MSI2: variants seen among roughly 807,000 people sequenced by gnomAD.
The protein encoded by MSI2 is musashi RNA binding protein 2, also known as RNA-binding protein Musashi homolog 2.
A neutral mutation model predicts 45.6 loss-of-function variants in MSI2; 17 were observed. The observed-to-expected ratio is 0.37, with a 90% CI of 0.26 to 0.56. The LOEUF (loss-of-function observed/expected upper bound fraction) is 0.56. MSI2 is among the 20% of genes least tolerant of loss of function. The probability of loss-of-function intolerance (pLI) is 0.77; values close to 1 mark genes in which losing one functional copy is unlikely to be tolerated. For missense variants in MSI2, 293 were observed against 444.2 expected (o/e 0.66, Z 3.06); for synonymous variants, 156 against 158.2 (o/e 0.99, Z 0.11).
At chr17:57,489,556 C>T (rs921504473) in intron 6 of MSI2, among the ~76,000 whole-genome samples, 5 of 152,212 alleles carry the variant, frequency 3.3e-5, no homozygotes, top group Non-Finnish European at 7.3e-5. Flanking sequence ...CAGAGGCCGG[C>T]GGGGCCAGCT....
At chr17:57,462,882 TACAC>T (rs2085257776) in intron 6 of MSI2, among the ~76,000 whole-genome samples, 1 of 152,216 alleles carries the variant, frequency 6.6e-6, no homozygotes, top group Non-Finnish European at 1.5e-5. Context: ...GTCTCTGTCA[TACAC>T]ACAAGCACTC....
intron 6 of MSI2, among the ~76,000 whole-genome samples, chr17:57,469,895 G>T (rs2085401277): frequency 6.6e-6 from 1 of 152,222 alleles, no homozygotes; most frequent in Non-Finnish European, 1.5e-5. Flanking sequence ...CCTGTCCTGT[G>T]GTGCCCACCT....
Position 57,596,966 on chromosome 17 carries a change from T to A in MSI2, c.537+16T>A. ...TAATAAAATGGTAAGTGTGTAGGGG[T>A]TGCGCTGAAATGGAATGCCCCCTTT... is the stretch of plus-strand genomic sequence containing the variant. On this transcript the variant is annotated intron_variant, in intron 8 of 13. Coordinates refer to ENST00000284073, the MANE Select transcript of MSI2 (RefSeq NM_138962.4). The surrounding 1 kb of genome is among the most constrained non-coding windows in gnomAD (Gnocchi z 4.6). 6.3e-7 allele frequency: 1 copy of A among 1,577,954 alleles called. No homozygotes were observed. Among genetic ancestry groups the A allele is most frequent in the Non-Finnish European group, 8.7e-7 (1 of 1,147,462 alleles).
At chr17:57,365,546 T>G (rs1406520442) in intron 5 of MSI2, among the ~76,000 whole-genome samples, 1 of 151,940 alleles carries the variant, frequency 6.6e-6, no homozygotes, top group Non-Finnish European at 1.5e-5. Context: ...GGGTAGAGGG[T>G]GACCTGGGAG....
intron 4 of MSI2, among the ~76,000 whole-genome samples, chr17:57,259,387 C>T (rs1907106419): frequency 6.6e-6 from 1 of 152,314 alleles, no homozygotes; most frequent in African/African-American, 2.4e-5. Context: ...TCTCAATTTC[C>T]TCTTCTGTAA....
Position 57,608,099 on chromosome 17 carries a change from A to AG in MSI2, c.538-7869dup, listed in dbSNP as rs560409693. Among the ~76,000 whole-genome samples the AG allele has an allele frequency of 1.6e-4, 25 of 152,300 alleles. No individual in the cohort carries two copies. In the East Asian group the frequency reaches 4.4e-3, roughly 27 times the overall value. On this transcript the variant is annotated intron_variant, in intron 8 of 13. Coordinates refer to ENST00000284073, the MANE Select transcript of MSI2 (RefSeq NM_138962.4). ...GAAGGGCTTGTACCAGTGAGGGAAA[A>AG]GGACTGCAGAGTGGTTAGGGACCCT...
At chr17:57,675,777 C>T (rs938721302) in intron 12 of MSI2, among the ~76,000 whole-genome samples, 1 of 152,226 alleles carries the variant, frequency 6.6e-6, no homozygotes, top group African/African-American at 2.4e-5. Context: ...TCCTTAGCTG[C>T]AGCCTCCACC....
At chr17:57,582,729 A>AT (rs1354896521) in intron 7 of MSI2, among the ~76,000 whole-genome samples, 1 of 152,162 alleles carries the variant, frequency 6.6e-6, no homozygotes, top group Non-Finnish European at 1.5e-5. Context: ...ATCTTCCCTG[A>AT]TGTCAATCAG....
chr17:57,547,018 T>C (rs2087184641), intron 7 of MSI2, among the ~76,000 whole-genome samples: 1 of 152,224 alleles, frequency 6.6e-6, no homozygotes, highest in South Asian at 2.1e-4. Flanking sequence ...CGAGGGGGCC[T>C]GGGCCTACTC....
intron 5 of MSI2, among the ~76,000 whole-genome samples, chr17:57,393,725 A>T (rs2083837974): frequency 6.6e-6 from 1 of 152,194 alleles, no homozygotes; most frequent in African/African-American, 2.4e-5. Flanking sequence ...CTTGTCACCC[A>T]GGCTGGAGTG....
At chr17:57,499,026 A>T (rs993651913) in intron 6 of MSI2, among the ~76,000 whole-genome samples, 1 of 150,556 alleles carries the variant, frequency 6.6e-6, no homozygotes, top group African/African-American at 2.4e-5. Context: ...TGAATTGAGA[A>T]GTCATTTTGC....
At chr17:57,655,010 C>T (rs1472254645) in intron 11 of MSI2, among the ~76,000 whole-genome samples, 3 of 148,460 alleles carry the variant, frequency 2.0e-5, no homozygotes, top group Non-Finnish European at 4.4e-5. Context: ...GAGGCAGCTT[C>T]GTTTTTGCTC....
chr17:57,612,154 C>T (rs993903757), intron 8 of MSI2, among the ~76,000 whole-genome samples: 3 of 95,142 alleles, frequency 3.2e-5, no homozygotes, highest in African/African-American at 9.8e-5. Flanking sequence ...TCAAGACGCT[C>T]GAGAGGCTAA....
Position 57,683,103 on chromosome 17 carries a change from C to CATA in MSI2, c.*3588_*3590dup. The CATA allele has an allele frequency of 4.3e-6, 1 of 229,912 alleles. No individual in the cohort carries two copies. Among genetic ancestry groups the CATA allele is most frequent in the Non-Finnish European group, 8.6e-6 (1 of 115,958 alleles). 14.2% of individuals were successfully genotyped at this position (229,912 alleles called of 1,614,324 possible). On this transcript the variant is annotated 3_prime_UTR_variant, in exon 14 of 14. Transcript: ENST00000284073. This position sits in a 1 kb window ranked among gnomAD's most constrained non-coding sequence, Gnocchi z 5.2. ...AGCAGGCCTTTGCGTTTTTATCCTT[C>CATA]ATAACCTTCATCTTAATTTGAACTT...
At chr17:57,349,701 A>T (rs1446031673) in intron 5 of MSI2, among the ~76,000 whole-genome samples, 2 of 152,246 alleles carry the variant, frequency 1.3e-5, no homozygotes, top group Non-Finnish European at 2.9e-5. Context: ...ACAGGAGTCA[A>T]GTTGGTGCAC....
chr17:57,275,916 A>G (rs551762912), intron 5 of MSI2, among the ~76,000 whole-genome samples: 1 of 152,338 alleles, frequency 6.6e-6, no homozygotes, highest in South Asian at 2.1e-4. Flanking sequence ...GAGGGTCTTC[A>G]GGACCCCCTC....
downstream of MSI2, among the ~76,000 whole-genome samples, chr17:57,685,872 C>T (rs1391197992): frequency 6.6e-6 from 1 of 152,208 alleles, no homozygotes; most frequent in Non-Finnish European, 1.5e-5. Context: ...TGAGGCCGGC[C>T]ATCGTGGCCA....
At position 57,256,532 on chromosome 17, in the gene MSI2, A is replaced by C; in HGVS notation, c.-211A>C. The C allele has an allele frequency of 1.7e-5, 4 of 235,570 alleles. No individual in the cohort carries two copies. The highest frequency in any genetic ancestry group is 1.5e-5 in the Non-Finnish European group (2 of 131,042). 14.6% of individuals were successfully genotyped at this position (235,570 alleles called of 1,614,324 possible). ...GCGGGGACGGGGGGGTGTGCGAGGC[A>C]GCGGGGCTGAGCTAAGCCGAGCCCA... On this transcript the variant is annotated 5_prime_UTR_variant, in exon 1 of 14. Coordinates refer to ENST00000284073, the MANE Select transcript of MSI2 (RefSeq NM_138962.4).
intron 8 of MSI2, chr17:57,600,758 C>A (rs947187424): frequency 6.6e-6 from 1 of 152,144 alleles, no homozygotes; most frequent in Non-Finnish European, 1.5e-5. Context: ...CCAGAAAGAC[C>A]CCACATGACA....
Sources: allele counts gnomAD v4.1 joint callset (sites outside exome capture counted in the v4.1 genomes callset), GRCh38; gene constraint gnomAD v4.1.1; non-coding constraint Gnocchi (gnomAD v3.1); transcripts MANE v1.5; gene names NCBI Gene and HGNC (gene_info 2026-07-23, HGNC 2026-07-21).